Variants in AUH observed in about 807,000 individuals in gnomAD.
The protein encoded by AUH is AU RNA binding methylglutaconyl-CoA hydratase, also known as methylglutaconyl-CoA hydratase, mitochondrial.
AUH carries 29 observed loss-of-function variants against 42.3 expected under a neutral mutation model. The observed-to-expected ratio is 0.69, with a 90% confidence interval of 0.51 to 0.93. The LOEUF (loss-of-function observed/expected upper bound fraction) is 0.93, where lower values mean the gene tolerates loss of function less well. Ranked by LOEUF, AUH falls within the 40% of genes least tolerant of loss-of-function variation. The probability of loss-of-function intolerance (pLI) is 0.00; values close to 1 mark genes in which losing one functional copy is unlikely to be tolerated. For synonymous variants in AUH, 174 were observed against 166.4 expected (o/e 1.05, Z -0.35); for missense variants, 452 against 438.1 (o/e 1.03, Z -0.28).
intron 6 of AUH, among the ~76,000 whole-genome samples, chr9:91,277,890 G>A (rs1564058097): frequency 6.6e-6 from 1 of 152,138 alleles, no homozygotes; most frequent in Non-Finnish European, 1.5e-5. Flanking sequence ...TGCTCTGGGA[G>A]TTAAATTTGG....
chr9:91,264,861 C>T, intron 6 of AUH, among the ~76,000 whole-genome samples: 1 of 152,202 alleles, frequency 6.6e-6, no homozygotes, highest in Non-Finnish European at 1.5e-5. Flanking sequence ...TTTGCTATCT[C>T]ATATATATCT....
chr9:91,225,585 T>C (rs1200185172), intron 6 of AUH, among the ~76,000 whole-genome samples: 2 of 151,978 alleles, frequency 1.3e-5, no homozygotes, highest in Non-Finnish European at 2.9e-5. Context: ...TTAGGGTACA[T>C]GTGCACATTG....
chr9:91,295,254 CAT>C (rs1456427403), intron 6 of AUH, among the ~76,000 whole-genome samples: 7 of 152,106 alleles, frequency 4.6e-5, no homozygotes, highest in Non-Finnish European at 8.8e-5. Flanking sequence ...CCCAGTCTCG[CAT>C]ATGTCTTTAT....
chr9:91,300,477 C>G (rs969141757), intron 4 of AUH, among the ~76,000 whole-genome samples: 1 of 152,172 alleles, frequency 6.6e-6, no homozygotes, highest in Non-Finnish European at 1.5e-5. Flanking sequence ...TTTCTACCAC[C>G]CAAGTTCTGG....
chr9:91,328,726 G>GA (rs1326002704), intron 3 of AUH, among the ~76,000 whole-genome samples: 6 of 152,148 alleles, frequency 3.9e-5, no homozygotes, highest in Non-Finnish European at 8.8e-5. Flanking sequence ...ATTAGTTACA[G>GA]AAAAAGTATT....
intron 6 of AUH, among the ~76,000 whole-genome samples, chr9:91,223,446 C>A (rs539471516): frequency 6.6e-6 from 1 of 152,262 alleles, no homozygotes; most frequent in East Asian, 1.9e-4. Context: ...TACGTATATA[C>A]CACATTTTGC....
At chr9:91,352,653 T>C (rs1171956640) in intron 3 of AUH, among the ~76,000 whole-genome samples, 1 of 152,196 alleles carries the variant, frequency 6.6e-6, no homozygotes, top group Admixed American at 6.5e-5. Flanking sequence ...TTAATGTTTA[T>C]CTGTTTTCCT....
chr9:91,277,297 C>A (rs1207214094), intron 6 of AUH, among the ~76,000 whole-genome samples: 1 of 152,152 alleles, frequency 6.6e-6, no homozygotes, highest in Non-Finnish European at 1.5e-5. Flanking sequence ...TAATATACCA[C>A]TACCATGTAC....
At chr9:91,348,120 A>T (rs1831675981) in intron 3 of AUH, among the ~76,000 whole-genome samples, 1 of 152,158 alleles carries the variant, frequency 6.6e-6, no homozygotes, top group Non-Finnish European at 1.5e-5. Context: ...TGAGATTCTA[A>T]GAAAAACATT....
chr9:91,230,343 C>T (rs1176089534), intron 6 of AUH, among the ~76,000 whole-genome samples: 1 of 152,170 alleles, frequency 6.6e-6, no homozygotes, highest in African/African-American at 2.4e-5. Flanking sequence ...CAGTTGATCG[C>T]AGCGGCTCCT....
At chr9:91,224,856 C>A (rs763496055) in intron 6 of AUH, among the ~76,000 whole-genome samples, 1 of 152,064 alleles carries the variant, frequency 6.6e-6, no homozygotes, top group Non-Finnish European at 1.5e-5. Flanking sequence ...CTCAGGCATA[C>A]AAAATTCATG....
At chr9:91,243,079 T>G (rs942773509) in intron 6 of AUH, among the ~76,000 whole-genome samples, 3 of 152,206 alleles carry the variant, frequency 2.0e-5, no homozygotes, top group Non-Finnish European at 4.4e-5. Flanking sequence ...GAGGTCACTA[T>G]CATAATTATC....
intron 6 of AUH, among the ~76,000 whole-genome samples, chr9:91,286,062 C>CT (rs1439345461): frequency 6.6e-6 from 1 of 152,030 alleles, no homozygotes; most frequent in African/African-American, 2.4e-5. Context: ...ACAGAATGAT[C>CT]TTTTGATATT....
At chr9:91,344,937 C>T (rs565492979) in intron 3 of AUH, among the ~76,000 whole-genome samples, 61 of 151,270 alleles carry the variant, frequency 4.0e-4, no homozygotes, top group African/African-American at 1.5e-3. Context: ...ACCATATTGA[C>T]AGGCTGAAAA....
intron 6 of AUH, among the ~76,000 whole-genome samples, chr9:91,286,835 A>G (rs1463562794): frequency 1.3e-5 from 2 of 152,106 alleles, no homozygotes; most frequent in African/African-American, 2.4e-5. Flanking sequence ...AACTTTAGAC[A>G]TGAGGAATAA....
chr9:91,302,540 G>A (rs1217288976), intron 4 of AUH, among the ~76,000 whole-genome samples: 1 of 152,146 alleles, frequency 6.6e-6, no homozygotes, highest in Non-Finnish European at 1.5e-5. Flanking sequence ...AGTGAGCTGA[G>A]ATCGCGCCAT....
intron 6 of AUH, among the ~76,000 whole-genome samples, chr9:91,285,512 C>T (rs754779867): frequency 8.5e-5 from 13 of 152,102 alleles, no homozygotes; most frequent in South Asian, 4.2e-4. Flanking sequence ...TTTCTGAACT[C>T]ATTGACTCCC....
chr9:91,359,580 A>AAAAAG (rs148045110), intron 1 of AUH, among the ~76,000 whole-genome samples: 2 of 152,084 alleles, frequency 1.3e-5, no homozygotes, highest in Non-Finnish European at 1.5e-5. Context: ...CAAAAGAAAA[A>AAAAAG]AAAAGAAAAG....
chr9:91,248,711 G>C (rs1185271024), intron 6 of AUH, among the ~76,000 whole-genome samples: 1 of 152,140 alleles, frequency 6.6e-6, no homozygotes, highest in Non-Finnish European at 1.5e-5. Context: ...TGGAAACTGG[G>C]ACTTCAAGCG....
Sources: allele counts gnomAD v4.1 joint callset (sites outside exome capture counted in the v4.1 genomes callset), GRCh38; gene constraint gnomAD v4.1.1; transcripts MANE v1.5; gene names NCBI Gene and HGNC (gene_info 2026-07-23, HGNC 2026-07-21).